The following SIPA1L3 variants were observed in gnomAD, a reference collection of about 807,000 sequenced individuals.
SIPA1L3 encodes signal induced proliferation associated 1 like 3.
Under a neutral mutation model 150.1 loss-of-function variants are expected in SIPA1L3, and 59 were observed. The observed-to-expected ratio is 0.39, with a 90% CI of 0.32 to 0.49. The LOEUF (loss-of-function observed/expected upper bound fraction) is 0.49, where lower values mean the gene tolerates loss of function less well. Ranked by LOEUF, SIPA1L3 falls within the 20% of genes least tolerant of loss-of-function variation. The probability of loss-of-function intolerance (pLI) is 0.86; values close to 1 mark genes in which losing one functional copy is unlikely to be tolerated. For synonymous variants in SIPA1L3, 1,070 were observed against 1,077.6 expected (o/e 0.99, Z 0.14); for missense variants, 2,211 against 2,489.5 (o/e 0.89, Z 2.38).
intron 1 of SIPA1L3, among the ~76,000 whole-genome samples, chr19:37,915,908 G>A (rs914493218): frequency 2.6e-5 from 4 of 151,982 alleles, no homozygotes; most frequent in African/African-American, 9.7e-5. Flanking sequence ...AAAATATTGG[G>A]TGGGCATGGT....
chr19:38,076,223 A>G (rs1024131730), intron 2 of SIPA1L3, among the ~76,000 whole-genome samples: 2 of 152,132 alleles, frequency 1.3e-5, no homozygotes, highest in Non-Finnish European at 2.9e-5. Flanking sequence ...CATAAAATAT[A>G]TGTACATTAG....
chr19:37,962,837 T>A (rs1170028160), intron 1 of SIPA1L3, among the ~76,000 whole-genome samples: 2 of 152,216 alleles, frequency 1.3e-5, no homozygotes, highest in Admixed American at 1.3e-4. Context: ...GATCATACAC[T>A]GTAGCAGCTG....
chr19:38,031,062 G>A (rs966491058), intron 2 of SIPA1L3, among the ~76,000 whole-genome samples: 2 of 152,086 alleles, frequency 1.3e-5, no homozygotes, highest in Non-Finnish European at 2.9e-5. Context: ...CCTGAAGCTT[G>A]TGTGTGGGAC....
chr19:38,106,664 C>A, intron 7 of SIPA1L3, 24 bp downstream of exon 7: 2 of 1,537,762 alleles, frequency 1.3e-6, no homozygotes, highest in Non-Finnish European at 1.8e-6. Context: ...AGCAGAGGCA[C>A]GGCTGCCGGA....
At chr19:37,990,207 T>C (rs1035845168) in intron 1 of SIPA1L3, among the ~76,000 whole-genome samples, 1 of 152,152 alleles carries the variant, frequency 6.6e-6, no homozygotes, top group Non-Finnish European at 1.5e-5. Context: ...CACATCTTGA[T>C]TTTTGTAACT....
At chr19:38,021,938 C>T (rs191397713) in intron 1 of SIPA1L3, among the ~76,000 whole-genome samples, 9 of 152,336 alleles carry the variant, frequency 5.9e-5, no homozygotes, top group African/African-American at 1.4e-4. Context: ...TCTGAAGATA[C>T]GCACCTGTGC....
chr19:38,087,034 G>C (rs936276513), intron 3 of SIPA1L3, among the ~76,000 whole-genome samples: 1 of 152,182 alleles, frequency 6.6e-6, no homozygotes, highest in Non-Finnish European at 1.5e-5. Flanking sequence ...GATAAGGTTG[G>C]GGGGCAGGGT....
chr19:38,141,904 C>G (rs1057101205), intron 11 of SIPA1L3, among the ~76,000 whole-genome samples: 2 of 152,188 alleles, frequency 1.3e-5, no homozygotes, highest in African/African-American at 4.8e-5. Flanking sequence ...ATGGCTTGAG[C>G]CCAGAAGTTG....
chr19:37,995,081 G>C (rs1362958788), intron 1 of SIPA1L3, among the ~76,000 whole-genome samples: 1 of 152,128 alleles, frequency 6.6e-6, no homozygotes, highest in Non-Finnish European at 1.5e-5. Flanking sequence ...TAGGGGAAAG[G>C]TTTCCTCTTC....
chr19:37,928,386 C>A (rs1005959232), intron 1 of SIPA1L3, among the ~76,000 whole-genome samples: 3 of 152,094 alleles, frequency 2.0e-5, no homozygotes, highest in African/African-American at 7.2e-5. Context: ...GCCTGGGCAA[C>A]ATGGTAAAAC....
At chr19:38,044,054 CAGTG>C (rs1249081956) in intron 2 of SIPA1L3, among the ~76,000 whole-genome samples, 2 of 152,162 alleles carry the variant, frequency 1.3e-5, no homozygotes, top group African/African-American at 4.8e-5. Context: ...GTGGAGCTGA[CAGTG>C]AGTACTGATG....
chr19:38,192,184 G>A lies in SIPA1L3; in HGVS notation c.4470G>A (p.Pro1490=), dbSNP rs181032291. ...DTNTKNVFGQ[P]RLRASLRDLR... The stretch of plus-strand genomic sequence containing the variant: ...ACACCAAAAATGTCTTTGGGCAACC[G>A]AGGTTGAGGGCATCCCTCCGAGACC... Residue 1490 remains proline (P), a synonymous_variant, in exon 17 of 22, where the codon CCG becomes CCA. Coordinates refer to ENST00000222345, the MANE Select transcript of SIPA1L3 (RefSeq NM_015073.3). 121 of 1,611,976 alleles carry A rather than the reference G, an allele frequency of 7.5e-5. No individual in the cohort carries two copies. The highest frequency in any genetic ancestry group is 4.0e-4 in the Admixed American group (24 of 59,340).
intron 6 of SIPA1L3, among the ~76,000 whole-genome samples, chr19:38,102,577 C>T (rs1600073059): frequency 2.1e-5 from 2 of 96,138 alleles, no homozygotes; most frequent in African/African-American, 8.5e-5. Flanking sequence ...GGCAAAAAAG[C>T]AAGACCCTGT....
chr19:37,951,361 T>C (rs1244993084), intron 1 of SIPA1L3, among the ~76,000 whole-genome samples: 1 of 152,210 alleles, frequency 6.6e-6, no homozygotes, highest in African/African-American at 2.4e-5. Context: ...TTTGGGAGAA[T>C]TGTCATGAAG....
chr19:38,120,398 A>G (rs1406683951), intron 9 of SIPA1L3, among the ~76,000 whole-genome samples: 1 of 152,052 alleles, frequency 6.6e-6, no homozygotes, highest in African/African-American at 2.4e-5. Context: ...TTTGAGCCCA[A>G]GAGGTTGAGG....
intron 1 of SIPA1L3, among the ~76,000 whole-genome samples, chr19:37,969,303 G>T (rs1049655770): frequency 1.2e-4 from 19 of 152,162 alleles, no homozygotes; most frequent in African/African-American, 4.3e-4. Context: ...TGTAATCCCA[G>T]CACTTTGGGA....
chr19:38,050,291 A>C (rs1251415601), intron 2 of SIPA1L3, among the ~76,000 whole-genome samples: 1 of 152,064 alleles, frequency 6.6e-6, no homozygotes, highest in Non-Finnish European at 1.5e-5. Context: ...CCCCGTCTCC[A>C]CTAAAAATGC....
At chr19:38,054,776 G>A (rs1335814961) in intron 2 of SIPA1L3, among the ~76,000 whole-genome samples, 4 of 139,318 alleles carry the variant, frequency 2.9e-5, no homozygotes, top group Admixed American at 7.1e-5. Context: ...CCACACAGCC[G>A]TGAAGCCACT....
intron 13 of SIPA1L3, among the ~76,000 whole-genome samples, chr19:38,153,205 G>A (rs1016614243): frequency 2.6e-5 from 4 of 152,218 alleles, no homozygotes; most frequent in African/African-American, 9.7e-5. Flanking sequence ...CGCTGATAAG[G>A]CCAGAGCCGG....
Sources: gnomAD v4.1 joint callset for allele counts (sites outside exome capture counted in the v4.1 genomes callset) on GRCh38, gnomAD v4.1.1 for gene constraint, MANE v1.5 for transcripts, NCBI Gene and HGNC (gene_info 2026-07-23, HGNC 2026-07-21) for gene names.